BTBD7: variants seen among roughly 807,000 people sequenced by gnomAD.
The protein encoded by BTBD7 is BTB/POZ domain-containing protein 7.
In BTBD7, 38 loss-of-function variants were observed where a neutral mutation model predicts 99.9. The ratio of observed to expected loss-of-function variants is 0.38; its 90% confidence interval spans 0.29 to 0.50. The LOEUF (loss-of-function observed/expected upper bound fraction) is 0.50. Among genes scored for constraint, BTBD7 ranks in the 20% least tolerant of loss-of-function variants. BTBD7 has a pLI of 0.93. For missense variants in BTBD7, 1,170 were observed against 1,394.6 expected (o/e 0.84, Z 2.57); for synonymous variants, 520 against 511.4 (o/e 1.02, Z -0.23).
chr14:93,304,756 T>C (rs1440221960), intron 1 of BTBD7, among the ~76,000 whole-genome samples: 1 of 152,232 alleles, frequency 6.6e-6, no homozygotes, highest in Non-Finnish European at 1.5e-5. Context: ...TTCTCCTAAA[T>C]TCCATTCAAA....
At chr14:93,253,940 T>A in intron 6 of BTBD7, 150 bp from the exon 7 acceptor site, 1 of 421,022 alleles carries the variant, frequency 2.4e-6, no homozygotes, top group Non-Finnish European at 3.8e-6. Context: ...TAGAAATACC[T>A]CAAATTTTTT....
At chr14:93,329,129 T>C (rs78540762) in intron 1 of BTBD7, among the ~76,000 whole-genome samples, 8,975 of 152,090 alleles carry the variant, frequency 0.059, 901 homozygotes, top group African/African-American at 0.2. Flanking sequence ...GCAAATCATG[T>C]CTGATAAGGG....
At chr14:93,257,380 T>G (rs1026195196) in intron 5 of BTBD7, 25 bp from the exon 6 acceptor site, 2 of 1,576,662 alleles carry the variant, frequency 1.3e-6, no homozygotes, top group African/African-American at 2.7e-5. Context: ...ATGAAAAGTT[T>G]CCAACCAAAT....
chr14:93,319,821 T>A (rs902776177), intron 1 of BTBD7, among the ~76,000 whole-genome samples: 12 of 151,870 alleles, frequency 7.9e-5, no homozygotes, highest in Middle Eastern at 3.4e-3. Flanking sequence ...CCAAAAAAAA[T>A]AAAAATGAAT....
intron 1 of BTBD7, among the ~76,000 whole-genome samples, chr14:93,301,419 G>A (rs1235809843): frequency 6.6e-6 from 1 of 152,086 alleles, no homozygotes; most frequent in East Asian, 1.9e-4. Flanking sequence ...TTGAACTCCT[G>A]ACCACAGGTG....
At chr14:93,323,615 T>C (rs113999584) in intron 1 of BTBD7, among the ~76,000 whole-genome samples, 4 of 152,186 alleles carry the variant, frequency 2.6e-5, no homozygotes, top group African/African-American at 7.2e-5. Flanking sequence ...TAATTCACAA[T>C]TGAATCCCAG....
At chr14:93,319,389 T>A (rs1378596757) in intron 1 of BTBD7, among the ~76,000 whole-genome samples, 1 of 152,122 alleles carries the variant, frequency 6.6e-6, no homozygotes, top group Non-Finnish European at 1.5e-5. Context: ...CATTGACAGA[T>A]GAATGAATAA....
chr14:93,284,822 T>C (rs553111602), intron 3 of BTBD7, among the ~76,000 whole-genome samples: 1 of 152,182 alleles, frequency 6.6e-6, no homozygotes, highest in Admixed American at 6.6e-5. Flanking sequence ...GGACATTTAA[T>C]GATCAAAGGC....
chr14:93,254,386 T>C lies in BTBD7; in HGVS notation c.1609-596A>G, dbSNP rs76460399. Among the ~76,000 whole-genome samples, 94 of 152,302 alleles carry C rather than the reference T, an allele frequency of 6.2e-4. 2 individuals carry two copies. The East Asian group carries it at 0.012, about 20-fold the overall frequency. ...TTGGACTAAAGATCAGAACTCTTAA[T>C]GAAAACCAATTTTTTTTCTTTACTC... is the stretch of plus-strand genomic sequence containing the variant. On this transcript the variant is annotated intron_variant, in intron 6 of 10. Transcript: ENST00000334746.
chr14:93,301,780 A>G (rs550631485), intron 1 of BTBD7, among the ~76,000 whole-genome samples: 21 of 152,342 alleles, frequency 1.4e-4, no homozygotes, highest in African/African-American at 5.1e-4. Context: ...TAAGGTAACA[A>G]CATTGTTATA....
At chr14:93,281,033 T>C (rs1021714838) in intron 3 of BTBD7, among the ~76,000 whole-genome samples, 2 of 152,042 alleles carry the variant, frequency 1.3e-5, no homozygotes, top group Non-Finnish European at 2.9e-5. Flanking sequence ...GACAGGGTCT[T>C]ACTCTGTCAG....
At chr14:93,253,092 T>G (rs1295948994) in intron 7 of BTBD7, among the ~76,000 whole-genome samples, 1 of 152,214 alleles carries the variant, frequency 6.6e-6, no homozygotes, top group Non-Finnish European at 1.5e-5. Context: ...ATTAGATGTT[T>G]CATTTTCACA....
At chr14:93,286,361 C>T (rs1258110583) in intron 3 of BTBD7, among the ~76,000 whole-genome samples, 1 of 152,176 alleles carries the variant, frequency 6.6e-6, no homozygotes, top group Non-Finnish European at 1.5e-5. Flanking sequence ...GAAACAATGG[C>T]TGAAACAGTA....
At chr14:93,250,984 T>TA (rs140842609) in intron 8 of BTBD7, among the ~76,000 whole-genome samples, 5,211 of 151,838 alleles carry the variant, frequency 0.034, 288 homozygotes, top group African/African-American at 0.12. Context: ...CCTATAGTGA[T>TA]AAAAAAAAAT....
chr14:93,272,834 C>G (rs922241183), intron 3 of BTBD7, among the ~76,000 whole-genome samples: 2 of 147,102 alleles, frequency 1.4e-5, no homozygotes, highest in African/African-American at 4.9e-5. Context: ...CTCCTCTCTA[C>G]TATTTCTCAG....
intron 4 of BTBD7, among the ~76,000 whole-genome samples, chr14:93,262,672 C>T (rs547264831): frequency 6.6e-6 from 1 of 152,236 alleles, no homozygotes; most frequent in East Asian, 1.9e-4. Flanking sequence ...AAACTACAAT[C>T]TCTACAAGGT....
Position 93,251,490 on chromosome 14 carries a change from GA to G in BTBD7, c.1914del (p.Pro639LeufsTer4). The G allele has an allele frequency of 6.2e-7, 1 of 1,602,820 alleles. No homozygotes were observed. Among genetic ancestry groups the G allele is most frequent in the Non-Finnish European group, 8.5e-7 (1 of 1,172,102 alleles). On this transcript the variant is annotated frameshift_variant, in exon 8 of 11. Transcript: ENST00000334746. LOFTEE classifies it high-confidence loss of function. The part of the protein sequence containing the change: ...HQQISSNQSS[P>X]PSVVANEIPV... ...GGAATTTCGTTGGCTACAACTGAAG[GA>G]GGGCTTGACTGGTTGCTGCTGATCT...
intron 1 of BTBD7, among the ~76,000 whole-genome samples, chr14:93,299,645 C>T (rs1006707361): frequency 2.7e-5 from 4 of 148,226 alleles, no homozygotes; most frequent in African/African-American, 5.0e-5. Context: ...CTCCAGTGAT[C>T]ACGGCAGACC....
chr14:93,280,670 G>A (rs2052708356), intron 3 of BTBD7, among the ~76,000 whole-genome samples: 1 of 152,112 alleles, frequency 6.6e-6, no homozygotes, highest in Non-Finnish European at 1.5e-5. Flanking sequence ...CCCTTGTGGA[G>A]ACATATTTAG....
Sources: allele counts gnomAD v4.1 joint callset (sites outside exome capture counted in the v4.1 genomes callset), GRCh38; gene constraint gnomAD v4.1.1; transcripts MANE v1.5; gene names NCBI Gene and HGNC (gene_info 2026-07-23, HGNC 2026-07-21).